The following GPC6 variants were observed in gnomAD, a reference collection of about 807,000 sequenced individuals.
The protein encoded by GPC6 is glypican 6.
GPC6 carries 14 observed loss-of-function variants against 55.2 expected under a neutral mutation model. That is an observed-to-expected ratio of 0.25 (90% CI 0.17 to 0.40). GPC6 has a LOEUF of 0.40. GPC6 is among the 10% of genes least tolerant of loss of function. GPC6 has a pLI of 1.00. For synonymous variants in GPC6, 278 were observed against 259.6 expected, an observed-to-expected ratio of 1.07 and a Z score of -0.68; for missense variants, 641 against 708.5, an observed-to-expected ratio of 0.90 and a Z score of 1.08.
intron 2 of GPC6, among the ~76,000 whole-genome samples, chr13:93,647,058 T>A (rs971049134): frequency 6.6e-6 from 1 of 152,118 alleles, no homozygotes; most frequent in African/African-American, 2.4e-5. Flanking sequence ...GACATCAAGA[T>A]ATGGTCTTTG....
intron 2 of GPC6, among the ~76,000 whole-genome samples, chr13:93,755,668 G>A (rs1314302107): frequency 1.3e-5 from 2 of 152,182 alleles, no homozygotes; most frequent in Admixed American, 6.5e-5. Flanking sequence ...GTTAAAAAGA[G>A]ATTCTAAAAC....
intron 6 of GPC6, among the ~76,000 whole-genome samples, chr13:94,370,149 G>T (rs1251237840): frequency 2.0e-5 from 3 of 152,234 alleles, no homozygotes; most frequent in Non-Finnish European, 4.4e-5. Context: ...TGTTCTTGGA[G>T]GCTAAAACTT....
chr13:94,001,553 G>A (rs887395311), intron 3 of GPC6, among the ~76,000 whole-genome samples: 5 of 152,068 alleles, frequency 3.3e-5, no homozygotes, highest in African/African-American at 1.2e-4. Flanking sequence ...AAAATCTAGT[G>A]AGTAAGAATT....
chr13:93,787,076 C>T (rs1161303557), intron 2 of GPC6, among the ~76,000 whole-genome samples: 1 of 152,136 alleles, frequency 6.6e-6, no homozygotes, highest in Non-Finnish European at 1.5e-5. Context: ...TTTACAAGGC[C>T]TTTATGTAGC....
At chr13:93,479,608 A>C (rs374617400) in intron 1 of GPC6, among the ~76,000 whole-genome samples, 12 of 140,968 alleles carry the variant, frequency 8.5e-5, no homozygotes, top group East Asian at 4.7e-4. Flanking sequence ...ACGTGGTGAG[A>C]CCCCCCCCCA....
At chr13:93,276,486 G>GAC (rs1877749008) in intron 1 of GPC6, among the ~76,000 whole-genome samples, 1 of 137,868 alleles carries the variant, frequency 7.3e-6, no homozygotes, top group East Asian at 2.1e-4. Context: ...GAGAGAGAGA[G>GAC]AGAGAGAGAG....
chr13:93,310,985 G>GT (rs1879047121), intron 1 of GPC6, among the ~76,000 whole-genome samples: 1 of 152,164 alleles, frequency 6.6e-6, no homozygotes, highest in African/African-American at 2.4e-5. Context: ...AAAATATTGA[G>GT]TAGGTAGCTT....
intron 6 of GPC6, among the ~76,000 whole-genome samples, chr13:94,323,201 C>T (rs964075639): frequency 4.6e-5 from 7 of 152,192 alleles, no homozygotes; most frequent in Middle Eastern, 3.4e-3. Context: ...ATGCACAGCC[C>T]CTTTTAATTT....
At chr13:94,202,668 G>A (rs537973717) in intron 4 of GPC6, among the ~76,000 whole-genome samples, 1 of 152,298 alleles carries the variant, frequency 6.6e-6, no homozygotes, top group African/African-American at 2.4e-5. Context: ...GCAAGAAAAA[G>A]TATGGGTTGT....
chr13:93,894,411 T>C (rs1875871490), intron 3 of GPC6, among the ~76,000 whole-genome samples: 1 of 152,192 alleles, frequency 6.6e-6, no homozygotes, highest in African/African-American at 2.4e-5. Flanking sequence ...TAACCTATTA[T>C]TTTGTAAGCT....
At chr13:94,102,430 A>G (rs1885900878) in intron 4 of GPC6, among the ~76,000 whole-genome samples, 1 of 146,654 alleles carries the variant, frequency 6.8e-6, no homozygotes, top group South Asian at 2.2e-4. Flanking sequence ...CCCCAAACCC[A>G]CTCTTCCAAT....
intron 1 of GPC6, among the ~76,000 whole-genome samples, chr13:93,392,203 A>AG (rs1276098593): frequency 6.6e-6 from 1 of 152,146 alleles, no homozygotes; most frequent in Non-Finnish European, 1.5e-5. Flanking sequence ...TCAATAACTG[A>AG]GGGGCGTATT....
intron 4 of GPC6, among the ~76,000 whole-genome samples, chr13:94,251,739 A>G (rs1306317448): frequency 4.6e-5 from 7 of 151,802 alleles, no homozygotes; most frequent in Non-Finnish European, 8.8e-5. Context: ...AACAAAACAA[A>G]CTGTTGCAAA....
chr13:93,835,157 T>C (rs996936629), intron 3 of GPC6, among the ~76,000 whole-genome samples: 1 of 152,192 alleles, frequency 6.6e-6, no homozygotes, highest in Non-Finnish European at 1.5e-5. Flanking sequence ...AAGACATGAC[T>C]TTAAAGTGAC....
intron 1 of GPC6, among the ~76,000 whole-genome samples, chr13:93,245,591 T>C (rs1876570876): frequency 1.3e-5 from 2 of 152,198 alleles, no homozygotes; most frequent in South Asian, 4.1e-4. Flanking sequence ...GATGCTGATG[T>C]TGTTGGGTCA....
intron 6 of GPC6, among the ~76,000 whole-genome samples, chr13:94,330,347 G>A (rs1335834733): frequency 1.3e-5 from 2 of 152,160 alleles, no homozygotes; most frequent in Non-Finnish European, 1.5e-5. Flanking sequence ...TCTAACTCAG[G>A]AACTCTCAGT....
At chr13:93,318,642 G>A (rs1355933506) in intron 1 of GPC6, among the ~76,000 whole-genome samples, 3 of 152,070 alleles carry the variant, frequency 2.0e-5, no homozygotes, top group South Asian at 2.1e-4. Context: ...AGAAGGAGGG[G>A]TTTCTAGAGC....
intron 4 of GPC6, among the ~76,000 whole-genome samples, chr13:94,231,719 T>A (rs1377750995): frequency 6.6e-6 from 1 of 152,152 alleles, no homozygotes; most frequent in Non-Finnish European, 1.5e-5. Flanking sequence ...TCTTTTCCTA[T>A]GATCAGTTTT....
intron 1 of GPC6, among the ~76,000 whole-genome samples, chr13:93,523,334 C>CAT (rs143107953): frequency 0.057 from 8,535 of 149,222 alleles, 798 homozygotes; most frequent in African/African-American, 0.2. Context: ...TATATATATG[C>CAT]ATGTGTATAT....
Sources: allele counts gnomAD v4.1 joint callset (sites outside exome capture counted in the v4.1 genomes callset), GRCh38; gene constraint gnomAD v4.1.1; transcripts MANE v1.5; gene names NCBI Gene and HGNC (gene_info 2026-07-23, HGNC 2026-07-21).